MYO10: variants seen among roughly 807,000 people sequenced by gnomAD.
MYO10 encodes myosin X, also known as unconventional myosin-X.
MYO10 carries 133 observed loss-of-function variants against 257.3 expected under a neutral mutation model. The observed-to-expected ratio is 0.52, with a 90% CI of 0.45 to 0.60. The LOEUF is 0.60. Ranked by LOEUF, MYO10 falls within the 20% of genes least tolerant of loss-of-function variation. MYO10 has a pLI of 0.00. For missense variants in MYO10, 2,399 were observed against 2,635.7 expected (o/e 0.91, Z 1.97); for synonymous variants, 1,104 against 1,028.6 (o/e 1.07, Z -1.40).
intron 1 of MYO10, among the ~76,000 whole-genome samples, chr5:16,922,139 G>A (rs1407685587): frequency 2.6e-5 from 4 of 151,874 alleles, no homozygotes; most frequent in South Asian, 2.1e-4. Flanking sequence ...ACTGGAACCC[G>A]GGAGGCAGAG....
chr5:16,702,260 T>C (rs751750519), intron 24 of MYO10, among the ~76,000 whole-genome samples: 7 of 152,298 alleles, frequency 4.6e-5, no homozygotes, highest in Non-Finnish European at 1.0e-4. Context: ...CACTGTTCAA[T>C]CCACCAGTCT....
intron 37 of MYO10, among the ~76,000 whole-genome samples, 155 bp downstream of exon 37, chr5:16,672,534 G>A (rs1452912291): frequency 2.0e-5 from 3 of 152,102 alleles, no homozygotes; most frequent in South Asian, 2.1e-4. Flanking sequence ...GAAAAATAGC[G>A]GATATGCAAA....
chr5:16,760,630 TG>T (rs1740682384), intron 17 of MYO10, among the ~76,000 whole-genome samples: 6 of 152,306 alleles, frequency 3.9e-5, no homozygotes, highest in Middle Eastern at 3.4e-3. Flanking sequence ...TAATTATAGC[TG>T]AATTAAGGCA....
intron 1 of MYO10, among the ~76,000 whole-genome samples, chr5:16,889,747 G>C (rs1034771810): frequency 2.6e-5 from 4 of 151,670 alleles, no homozygotes; most frequent in Non-Finnish European, 5.9e-5. Flanking sequence ...ACTCCTCTTG[G>C]TGGAAGCAGT....
chr5:16,818,378 G>A (rs1236948445), intron 2 of MYO10, among the ~76,000 whole-genome samples: 3 of 51,242 alleles, frequency 5.9e-5, no homozygotes, highest in Admixed American at 4.8e-4. Context: ...GTGTGTGTGT[G>A]TGCGTGTGTG....
At chr5:16,880,465 TC>T (rs1365774232) in intron 1 of MYO10, among the ~76,000 whole-genome samples, 1 of 151,900 alleles carries the variant, frequency 6.6e-6, no homozygotes, top group African/African-American at 2.4e-5. Context: ...TAAGAGGCCC[TC>T]CCCATAGGCA....
At chr5:16,875,070 C>T (rs1370397794) in intron 2 of MYO10, among the ~76,000 whole-genome samples, 2 of 152,092 alleles carry the variant, frequency 1.3e-5, no homozygotes, top group South Asian at 2.1e-4. Context: ...GACTAGCCCC[C>T]GTGATTCAAT....
At chr5:16,880,241 C>T (rs1345065200) in intron 1 of MYO10, among the ~76,000 whole-genome samples, 1 of 104,020 alleles carries the variant, frequency 9.6e-6, no homozygotes, top group Admixed American at 9.9e-5. Flanking sequence ...AACTGTTACT[C>T]GGGATCCATA....
At chr5:16,704,491 A>T (rs1579866065) in intron 22 of MYO10, 88 bp downstream of exon 22, 1 of 1,139,610 alleles carries the variant, frequency 8.8e-7, no homozygotes, top group Admixed American at 2.3e-5. Flanking sequence ...CAATTCAAAA[A>T]CCTCAGGCCA....
At chr5:16,853,571 A>G (rs1743874328) in intron 2 of MYO10, among the ~76,000 whole-genome samples, 2 of 152,214 alleles carry the variant, frequency 1.3e-5, no homozygotes, top group African/African-American at 4.8e-5. Context: ...AAGAGGCATG[A>G]GGAAAATGAT....
intron 1 of MYO10, among the ~76,000 whole-genome samples, chr5:16,911,769 G>A (rs1168359149): frequency 6.6e-6 from 1 of 151,994 alleles, no homozygotes; most frequent in Non-Finnish European, 1.5e-5. Flanking sequence ...CAGCCGCGGT[G>A]GCTCATGCCT....
At chr5:16,922,892 G>A (rs924224368) in intron 1 of MYO10, among the ~76,000 whole-genome samples, 1 of 152,068 alleles carries the variant, frequency 6.6e-6, no homozygotes, top group Non-Finnish European at 1.5e-5. Context: ...TTAGCCGGGC[G>A]AGGTGGCACA....
At chr5:16,903,938 T>G (rs1007355789) in intron 1 of MYO10, among the ~76,000 whole-genome samples, 1 of 152,190 alleles carries the variant, frequency 6.6e-6, no homozygotes, top group African/African-American at 2.4e-5. Context: ...GTCAGCGTCA[T>G]TGTCCTCTGA....
intron 2 of MYO10, among the ~76,000 whole-genome samples, chr5:16,840,869 A>G (rs1239527928): frequency 1.3e-5 from 2 of 152,084 alleles, no homozygotes; most frequent in African/African-American, 4.8e-5. Context: ...GGCCGAGTGC[A>G]GTGCCTCACA....
At chr5:16,788,046 G>A (rs925533248) in intron 4 of MYO10, among the ~76,000 whole-genome samples, 2 of 152,192 alleles carry the variant, frequency 1.3e-5, no homozygotes, top group East Asian at 1.9e-4. Context: ...TACCCGCCTC[G>A]GCCTCCCAAA....
chr5:16,876,837 G>A (rs1412630862), intron 2 of MYO10, among the ~76,000 whole-genome samples: 1 of 152,184 alleles, frequency 6.6e-6, no homozygotes, highest in Non-Finnish European at 1.5e-5. Flanking sequence ...TTACCGGCGT[G>A]AGCCACTGTG....
intron 1 of MYO10, among the ~76,000 whole-genome samples, chr5:16,881,410 C>T (rs1387594594): frequency 6.6e-6 from 1 of 152,152 alleles, no homozygotes; most frequent in African/African-American, 2.4e-5. Context: ...TGACACAGTG[C>T]TTTATGATCA....
intron 2 of MYO10, among the ~76,000 whole-genome samples, chr5:16,848,474 A>C (rs900872754): frequency 6.6e-6 from 1 of 152,100 alleles, no homozygotes; most frequent in African/African-American, 2.4e-5. Flanking sequence ...ACATTTCTTT[A>C]CTGCAGAAAT....
In MYO10 at chr5:16,870,846, C is replaced by T. The variant is rs923662341; in HGVS notation, c.120+6763G>A. On this transcript the variant is annotated intron_variant, in intron 2 of 40. Coordinates refer to ENST00000513610, the MANE Select transcript of MYO10 (RefSeq NM_012334.3). Reference sequence around the variant, plus strand: ...GGCGGAGGCTGCAGTAAGCCGAGATCGCGCCATTGCACTCCAGCCTGGACA... The same window carrying T: ...GGCGGAGGCTGCAGTAAGCCGAGATTGCGCCATTGCACTCCAGCCTGGACA... 5.3e-5 allele frequency among the ~76,000 whole-genome samples: 8 copies of T among 152,238 alleles called. No individual in the cohort carries two copies. In the South Asian group the frequency reaches 6.2e-4, roughly 12 times the overall value.
Sources: allele counts gnomAD v4.1 joint callset (sites outside exome capture counted in the v4.1 genomes callset), GRCh38; gene constraint gnomAD v4.1.1; transcripts MANE v1.5; gene names NCBI Gene and HGNC (gene_info 2026-07-23, HGNC 2026-07-21).